SLC25A20: variants seen among roughly 807,000 people sequenced by gnomAD.
SLC25A20 encodes the protein mitochondrial carnitine/acylcarnitine carrier protein.
SLC25A20 carries 29 observed loss-of-function variants against 39.7 expected under a neutral mutation model. The ratio of observed to expected loss-of-function variants is 0.73; its 90% CI spans 0.54 to 1.00. The LOEUF is 1.00. Among genes scored for constraint, SLC25A20 ranks in the 50% least tolerant of loss-of-function variants. The pLI, the probability that SLC25A20 is intolerant of heterozygous loss-of-function variation, is 0.00. For synonymous variants in SLC25A20, 103 were observed against 142.2 expected (o/e 0.72, Z 1.96); for missense variants, 333 against 379.9 (o/e 0.88, Z 1.03).
chr3:48,879,573 G>C, intron 3 of SLC25A20, 125 bp from the exon 4 acceptor site: 1 of 730,112 alleles, frequency 1.4e-6, no homozygotes, highest in Non-Finnish European at 2.5e-6. Flanking sequence ...TAGAAGCCTA[G>C]CCACAAATGA....
intron 4 of SLC25A20, among the ~76,000 whole-genome samples, chr3:48,871,982 ATTTT>A (rs71077746): frequency 1.6e-4 from 9 of 56,722 alleles, no homozygotes; most frequent in African/African-American, 5.4e-4. Context: ...TGCCCAGCTA[ATTTT>A]TTTTTTTTTT....
rs150419695 is a variant in SLC25A20, at chr3:48,879,411, C to G, written c.364G>C (p.Val122Leu). 2.1e-5 allele frequency: 34 copies of G among 1,613,776 alleles called. No individual in the cohort carries two copies. The highest frequency in any genetic ancestry group is 2.9e-5 in the Non-Finnish European group (34 of 1,179,860). ...QLFAAGMLSG[V>L]FTTGIMTPGE... Reference sequence around the variant, plus strand: ...GGAGTCATGATTCCTGTGGTGAATACGCCAGATAACATCCCAGCTGCAAAA... The same window carrying G: ...GGAGTCATGATTCCTGTGGTGAATAGGCCAGATAACATCCCAGCTGCAAAA... The change falls in exon 4 of 9, where the codon GTA (valine) becomes CTA (leucine). Residue 122 changes from valine to leucine, a missense_variant. Physicochemically the swap from Val to Leu is conservative, Grantham distance 32. Coordinates refer to ENST00000319017, the MANE Select transcript of SLC25A20 (RefSeq NM_000387.6).
At chr3:48,857,902 G>T in intron 8 of SLC25A20, 130 bp from the exon 9 acceptor site, 1 of 729,606 alleles carries the variant, frequency 1.4e-6, no homozygotes, top group Non-Finnish European at 2.4e-6. Context: ...TCCACATCAA[G>T]GATGCAAGCT....
intron 4 of SLC25A20, among the ~76,000 whole-genome samples, chr3:48,866,863 G>A (rs1341521563): frequency 6.6e-6 from 1 of 151,882 alleles, no homozygotes; most frequent in Non-Finnish European, 1.5e-5. Context: ...GCGCGATCTC[G>A]ACTCACGGCA....
intron 4 of SLC25A20, among the ~76,000 whole-genome samples, chr3:48,863,597 C>T (rs2083642885): frequency 6.6e-6 from 1 of 152,200 alleles, no homozygotes; most frequent in Non-Finnish European, 1.5e-5. Context: ...TCAGAACACA[C>T]AAGAGCATCA....
At chr3:48,891,837 C>T (rs2083879624) in intron 2 of SLC25A20, 143 bp downstream of exon 2, 2 of 759,950 alleles carry the variant, frequency 2.6e-6, no homozygotes, top group African/African-American at 1.7e-5. Flanking sequence ...AACAGGGGGG[C>T]ACAGGGTGGC....
At position 48,888,569 on chromosome 3, in the gene SLC25A20, CAAAA is replaced by C. The variant is rs1020143149; in HGVS notation, c.198+3407_198+3410del. Among the ~76,000 whole-genome samples, 24 of 114,942 alleles carry C rather than the reference CAAAA, an allele frequency of 2.1e-4. No individual in the cohort carries two copies. The East Asian group carries it at 3.4e-3, about 16-fold the overall frequency. The allele number at this position is 114,942 out of a possible 152,430, so 75.4% of individuals were successfully genotyped here. ...GGGCAACTGAACAAGACTCTTGTCT[CAAAA>C]TAAATAAATAAATAAATAAATAAAT... On this transcript the variant is annotated intron_variant, in intron 2 of 8. Coordinates refer to ENST00000319017, the MANE Select transcript of SLC25A20 (RefSeq NM_000387.6).
At position 48,872,162 on chromosome 3, in the gene SLC25A20, G is replaced by A. The variant is rs1217271342; in HGVS notation, c.417+7196C>T. On this transcript the variant is annotated intron_variant, in intron 4 of 8. Coordinates refer to ENST00000319017, the MANE Select transcript of SLC25A20 (RefSeq NM_000387.6). ...GATTTTTTTTTTTTAAGACAGTATT[G>A]CTCTGTTGCCCAGGCTGGAGTGCAG... is the stretch of plus-strand genomic sequence containing the variant. 2.0e-5 allele frequency among the ~76,000 whole-genome samples: 3 copies of A among 149,484 alleles called. No homozygotes were observed. The Admixed American group carries it at 2.0e-4, about 10-fold the overall frequency.
chr3:48,866,222 AC>A (rs2083667645), intron 4 of SLC25A20, among the ~76,000 whole-genome samples: 2 of 152,082 alleles, frequency 1.3e-5, no homozygotes, highest in African/African-American at 4.8e-5. Flanking sequence ...AGCAGGTTTA[AC>A]AATTAGAGGA....
At chr3:48,865,859 G>T (rs1224577382) in intron 4 of SLC25A20, among the ~76,000 whole-genome samples, 2 of 151,868 alleles carry the variant, frequency 1.3e-5, no homozygotes, top group African/African-American at 4.8e-5. Context: ...AGCTGGGCAT[G>T]GTGGCTCACG....
chr3:48,880,265 C>G (rs2083787700), intron 3 of SLC25A20, among the ~76,000 whole-genome samples: 1 of 151,988 alleles, frequency 6.6e-6, no homozygotes, highest in Non-Finnish European at 1.5e-5. Flanking sequence ...CCTTTCTTTT[C>G]TTTTCTTTCG....
At chr3:48,879,666 T>C in intron 3 of SLC25A20, among the ~76,000 whole-genome samples, 1 of 152,192 alleles carries the variant, frequency 6.6e-6, no homozygotes, top group Non-Finnish European at 1.5e-5. Flanking sequence ...GCAAGAGCAA[T>C]GGGAGTCTGG....
intron 3 of SLC25A20, among the ~76,000 whole-genome samples, chr3:48,881,201 C>A (rs957621402): frequency 3.9e-5 from 6 of 152,208 alleles, no homozygotes; most frequent in Admixed American, 6.6e-5. Context: ...CTACCTCAGG[C>A]ACACAGCCAA....
At chr3:48,858,304 T>A (rs1176167397) in intron 8 of SLC25A20, among the ~76,000 whole-genome samples, 2 of 151,960 alleles carry the variant, frequency 1.3e-5, no homozygotes, top group Non-Finnish European at 2.9e-5. Context: ...GGTCAGGAAA[T>A]CAAAGCCCCT....
At chr3:48,882,768 A>G (rs958668577) in intron 3 of SLC25A20, among the ~76,000 whole-genome samples, 20 of 152,166 alleles carry the variant, frequency 1.3e-4, no homozygotes, top group African/African-American at 4.8e-4. Flanking sequence ...GTGTGCCTGT[A>G]GTCCCAGCTA....
chr3:48,872,355 C>T (rs144021287), intron 4 of SLC25A20, among the ~76,000 whole-genome samples: 173 of 151,862 alleles, frequency 1.1e-3, no homozygotes, highest in African/African-American at 3.9e-3. Flanking sequence ...ATCTCAAATT[C>T]CTGACCTCAA....
intron 4 of SLC25A20, among the ~76,000 whole-genome samples, chr3:48,873,051 C>T (rs949512728): frequency 1.3e-5 from 2 of 151,706 alleles, no homozygotes; most frequent in African/African-American, 4.8e-5. Context: ...TGGTAAAACC[C>T]TGTCTCTACT....
chr3:48,896,405 C>T (rs2083910050), intron 1 of SLC25A20, among the ~76,000 whole-genome samples: 1 of 152,006 alleles, frequency 6.6e-6, no homozygotes, highest in Non-Finnish European at 1.5e-5. Flanking sequence ...ATTTTATATA[C>T]ACTTCATACC....
intron 2 of SLC25A20, among the ~76,000 whole-genome samples, chr3:48,885,142 G>A (rs749613554): frequency 3.3e-5 from 5 of 152,024 alleles, no homozygotes; most frequent in African/African-American, 4.8e-5. Context: ...GTGGTGGTGT[G>A]TGCCTGTAGT....
Sources: allele counts gnomAD v4.1 joint callset (sites outside exome capture counted in the v4.1 genomes callset), GRCh38; gene constraint gnomAD v4.1.1; transcripts MANE v1.5; gene names NCBI Gene and HGNC (gene_info 2026-07-23, HGNC 2026-07-21).